PLCG2: variants seen among roughly 807,000 people sequenced by gnomAD.
PLCG2 encodes phospholipase C gamma 2, also known as 1-phosphatidylinositol 4,5-bisphosphate phosphodiesterase gamma-2.
A neutral mutation model predicts 175.6 loss-of-function variants in PLCG2; 69 were observed. That is an observed-to-expected ratio of 0.39 (90% confidence interval 0.32 to 0.48). The LOEUF (loss-of-function observed/expected upper bound fraction) is 0.48. Among genes scored for constraint, PLCG2 ranks in the 20% least tolerant of loss-of-function variants. The pLI is 0.91. For missense variants in PLCG2, 1,798 were observed against 1,650.9 expected, an observed-to-expected ratio of 1.09 and a Z score of -1.54; for synonymous variants, 827 against 624.0, an observed-to-expected ratio of 1.33 and a Z score of -4.85.
intron 2 of PLCG2, among the ~76,000 whole-genome samples, chr16:81,837,702 T>C (rs1278394737): frequency 2.7e-5 from 4 of 150,610 alleles, no homozygotes; most frequent in African/African-American, 9.7e-5. Flanking sequence ...TTTTTTTTTT[T>C]CTCCTTGATG....
At chr16:81,883,429 T>A in intron 9 of PLCG2, 88 bp downstream of exon 9, 1 of 1,062,458 alleles carries the variant, frequency 9.4e-7, no homozygotes, top group Non-Finnish European at 1.4e-6. Context: ...TGTGCTCACC[T>A]GGTCACCTGT....
At chr16:81,939,788 T>G in intron 29 of PLCG2, 104 bp from the exon 30 acceptor site, 1 of 734,360 alleles carries the variant, frequency 1.4e-6, no homozygotes, top group Non-Finnish European at 2.4e-6. Context: ...GCATATTTAT[T>G]TACATGGTTG....
At chr16:81,742,266 G>A (rs1909612463) in intron 1 of PLCG2, among the ~76,000 whole-genome samples, 1 of 152,082 alleles carries the variant, frequency 6.6e-6, no homozygotes, top group Admixed American at 6.6e-5. Context: ...GGAAAATAGG[G>A]GTTAGGTCTC....
rs9933601 is a variant in PLCG2, at chr16:81,870,700, A to G, written c.565-152A>G. ...GCATGACTTTTTCCTTTCAAAAGCC[A>G]TGACACTGAAACAATGTGGTCATAG... On this transcript the variant is annotated intron_variant, in intron 6 of 32. Transcript: ENST00000564138. 2,583 of 460,662 alleles carry G rather than the reference A, an allele frequency of 5.6e-3. 48 individuals are homozygous for G. Among genetic ancestry groups the G allele is most frequent in the African/African-American group, 0.037 (1,841 of 49,482 alleles). 28.5% of individuals were successfully genotyped at this position (460,662 alleles called of 1,614,324 possible). A position where few individuals can be genotyped will look rare whatever the true frequency, so the allele number is the denominator to read the frequency against.
chr16:81,877,234 C>T (rs1003514031), intron 7 of PLCG2, among the ~76,000 whole-genome samples: 6 of 152,336 alleles, frequency 3.9e-5, no homozygotes, highest in Non-Finnish European at 7.4e-5. Context: ...GCGGGCGGAT[C>T]GCGAGGTCAG....
At chr16:81,904,408 G>A (rs1175347649) in intron 14 of PLCG2, among the ~76,000 whole-genome samples, 7 of 152,166 alleles carry the variant, frequency 4.6e-5, no homozygotes, top group Admixed American at 6.5e-5. Context: ...ACTTACAGAC[G>A]CTTGCCTGCG....
At chr16:81,764,254 G>A (rs1417880531) in intron 2 of PLCG2, among the ~76,000 whole-genome samples, 1 of 152,088 alleles carries the variant, frequency 6.6e-6, no homozygotes, top group Non-Finnish European at 1.5e-5. Flanking sequence ...GATTGATTGA[G>A]CCACTGTACT....
At chr16:81,812,344 C>T (rs535220858) in intron 2 of PLCG2, among the ~76,000 whole-genome samples, 27 of 152,212 alleles carry the variant, frequency 1.8e-4, no homozygotes, top group South Asian at 1.4e-3. Context: ...CCACCGCACC[C>T]GGCCTGTTGT....
At position 81,889,027 on chromosome 16, in the gene PLCG2, G is replaced by A. The variant is rs1908505610; in HGVS notation, c.766-145G>A. ...TGGCAGAGGGCCATGTGCAGAATGA[G>A]GCCTCAACATGTGGTGGTCGATTGC... is the stretch of plus-strand genomic sequence containing the variant. On this transcript the variant is annotated intron_variant, in intron 9 of 32. Transcript: ENST00000564138. 1.4e-5 allele frequency: 8 copies of A among 584,784 alleles called. No individual in the cohort carries two copies. In the South Asian group the frequency reaches 1.4e-4, roughly 11 times the overall value. The allele number at this position is 584,784 out of a possible 1,614,324, so 36.2% of individuals were successfully genotyped here.
intron 17 of PLCG2, among the ~76,000 whole-genome samples, 163 bp from the exon 18 acceptor site, chr16:81,910,357 C>G (rs1909564657): frequency 6.6e-6 from 1 of 152,216 alleles, no homozygotes. Flanking sequence ...TCCCAAAGTG[C>G]TGGGATTACA....
rs746915998 is a variant in PLCG2 at position 81,891,560 on chromosome 16, C to G, written c.956C>G (p.Ser319Cys). 15 of 1,603,332 alleles carry G rather than the reference C, an allele frequency of 9.4e-6. No homozygotes were observed. The Middle Eastern group carries it at 5.1e-4, about 54-fold the overall frequency. Residue 319 changes from serine (S) to cysteine (C), a missense_variant, in exon 11 of 33, where the codon TCT becomes TGT. Transcript: ENST00000564138. ...VDMQDMNNPL[S>C]HYWISSSHNT... is the part of the protein sequence containing the mutation. ...ATGCAGGACATGAACAACCCCCTGTCTCATTACTGGATCTCCTCGTCACAT... is the reference window on the plus strand; with the variant it reads ...ATGCAGGACATGAACAACCCCCTGTGTCATTACTGGATCTCCTCGTCACAT...
chr16:81,781,048 A>AACAAAC (rs1555505853), intron 1 of PLCG2, among the ~76,000 whole-genome samples: 3 of 151,582 alleles, frequency 2.0e-5, no homozygotes, highest in African/African-American at 7.3e-5. Flanking sequence ...CAAACAAACA[A>AACAAAC]ACACACACAA....
chr16:81,748,075 A>C (rs1252475825), intron 1 of PLCG2, among the ~76,000 whole-genome samples: 1 of 152,168 alleles, frequency 6.6e-6, no homozygotes, highest in Non-Finnish European at 1.5e-5. Flanking sequence ...GGGTGGCCCC[A>C]TATTGGCCAG....
chr16:81,813,763 G>T (rs193060474), intron 2 of PLCG2, among the ~76,000 whole-genome samples: 9 of 152,002 alleles, frequency 5.9e-5, no homozygotes, highest in Non-Finnish European at 1.2e-4. Flanking sequence ...TTTGTGCAGC[G>T]TCTCTCCCTG....
At chr16:81,943,346 A>G (rs1032455522) in intron 30 of PLCG2, among the ~76,000 whole-genome samples, 2 of 152,164 alleles carry the variant, frequency 1.3e-5, no homozygotes, top group African/African-American at 2.4e-5. Flanking sequence ...ACAAGCACAT[A>G]TTTACATGGC....
At chr16:81,764,783 A>T (rs751592005) in intron 2 of PLCG2, among the ~76,000 whole-genome samples, 2 of 152,222 alleles carry the variant, frequency 1.3e-5, no homozygotes, top group Non-Finnish European at 2.9e-5. Context: ...GTCATACTGC[A>T]TTAGGGTACA....
intron 24 of PLCG2, among the ~76,000 whole-genome samples, chr16:81,929,076 C>T (rs1031198358): frequency 5.9e-5 from 9 of 152,214 alleles, no homozygotes; most frequent in Non-Finnish European, 1.2e-4. Context: ...CCTGGTTGCT[C>T]GGCTGGGGCC....
At chr16:81,789,227 C>T (rs1024869939) in intron 2 of PLCG2, among the ~76,000 whole-genome samples, 5 of 152,244 alleles carry the variant, frequency 3.3e-5, no homozygotes, top group Admixed American at 3.3e-4. Context: ...GGCTTGAAAT[C>T]TATGCCCTGT....
At chr16:81,808,104 C>T (rs1904290068) in intron 2 of PLCG2, among the ~76,000 whole-genome samples, 1 of 152,240 alleles carries the variant, frequency 6.6e-6, no homozygotes, top group South Asian at 2.1e-4. Flanking sequence ...TGTGAACATT[C>T]ATATGCAGGA....
Sources: allele counts gnomAD v4.1 joint callset (sites outside exome capture counted in the v4.1 genomes callset), GRCh38; gene constraint gnomAD v4.1.1; transcripts MANE v1.5; gene names NCBI Gene and HGNC (gene_info 2026-07-23, HGNC 2026-07-21).